PFKFB3: variants seen among roughly 807,000 people sequenced by gnomAD.
PFKFB3 encodes the protein 6-phosphofructo-2-kinase/fructose-2,6-bisphosphatase 3.
PFKFB3 carries 33 observed loss-of-function variants against 68.0 expected under a neutral mutation model. The ratio of observed to expected loss-of-function variants is 0.49; its 90% CI spans 0.37 to 0.65. The LOEUF (loss-of-function observed/expected upper bound fraction) is 0.65. Among genes scored for constraint, PFKFB3 ranks in the 30% least tolerant of loss-of-function variants. The pLI is 0.00. For synonymous variants in PFKFB3, 315 were observed against 288.2 expected, an observed-to-expected ratio of 1.09 and a Z score of -0.94; for missense variants, 586 against 712.2, an observed-to-expected ratio of 0.82 and a Z score of 2.02.
the PFKFB3 span, among the ~76,000 whole-genome samples, chr10:6,260,732 TC>T: frequency 9.8e-5 from 15 of 152,360 alleles, 2 homozygotes; most frequent in Admixed American, 6.5e-4. Flanking sequence ...TGATTGATTC[TC>T]ATTTCTGTAT....
In PFKFB3 at chr10:6,219,795, AT is replaced by A. The variant is rs1452746477; in HGVS notation, c.623+109del. On this transcript the variant is annotated intron_variant, in intron 7 of 14. Coordinates refer to ENST00000379775, the MANE Select transcript of PFKFB3 (RefSeq NM_004566.4). ...TTTGCTCCTGGATACCTTTAAAAAA[AT>A]TTTTTTAAGACAGTTTTTTTTGTAG... 1.1e-4 allele frequency: 139 copies of A among 1,218,428 alleles called. 1 individual carries two copies. Among genetic ancestry groups the A allele is most frequent in the Middle Eastern group, 2.9e-4 (1 of 3,476 alleles). The allele number at this position is 1,218,428 out of a possible 1,614,324, so 75.5% of individuals were successfully genotyped here. A position where few individuals can be genotyped will look rare whatever the true frequency, so the allele number is the denominator to read the frequency against.
chr10:6,232,772 GTTC>G (rs1226678864), intron 14 of PFKFB3, 120 bp from the exon 15 acceptor site: 2 of 794,628 alleles, frequency 2.5e-6, no homozygotes, highest in African/African-American at 1.7e-5. Flanking sequence ...CTTGGATCAT[GTTC>G]TTTGTCTGGG....
intron 1 of PFKFB3, among the ~76,000 whole-genome samples, chr10:6,177,044 C>T (rs752863080): frequency 3.9e-5 from 6 of 152,292 alleles, no homozygotes; most frequent in Admixed American, 2.0e-4. Context: ...TGCACTGGGG[C>T]CTGATTTCCC....
intron 1 of PFKFB3, among the ~76,000 whole-genome samples, chr10:6,182,622 C>T (rs945327664): frequency 3.3e-5 from 5 of 152,340 alleles, no homozygotes; most frequent in Non-Finnish European, 5.9e-5. Context: ...CGGGATGTGG[C>T]CTCGAGGCCC....
upstream of PFKFB3, among the ~76,000 whole-genome samples, chr10:6,198,486 A>G (rs1588457342): frequency 1.3e-5 from 2 of 152,142 alleles, no homozygotes; most frequent in African/African-American, 4.8e-5. Flanking sequence ...TTGTAGAAAA[A>G]TAATAATTTT....
rs969543510 is a variant in PFKFB3, at chr10:6,154,790, G to T, written c.16+9777G>T. On this transcript the variant is annotated intron_variant, in intron 1 of 14. Transcript: ENST00000379789. This position sits in a 1 kb window ranked among gnomAD's most constrained non-coding sequence, Gnocchi z 4.6. ...GAGTGAATCATGGGTAGCTCCCCCA[G>T]CTGCCTTCTGTCTGATCTGGGGAGA... Among the ~76,000 whole-genome samples the T allele has an allele frequency of 2.6e-5, 4 of 152,240 alleles. No homozygotes were observed. Among genetic ancestry groups the T allele is most frequent in the East Asian group, 3.8e-4 (2 of 5,196 alleles).
At chr10:6,214,482 A>G (rs2131941254) in intron 2 of PFKFB3, among the ~76,000 whole-genome samples, 1 of 151,226 alleles carries the variant, frequency 6.6e-6, no homozygotes, top group Admixed American at 6.6e-5. Flanking sequence ...CTTCCCAACT[A>G]GATGGGGAAC....
downstream of PFKFB3, among the ~76,000 whole-genome samples, chr10:6,254,998 G>A (rs1287397069): frequency 6.6e-6 from 1 of 151,280 alleles, no homozygotes; most frequent in African/African-American, 2.4e-5. Context: ...TGTATTTTTA[G>A]TAGAGACAGG....
chr10:6,169,755 G>A (rs1273624346), intron 1 of PFKFB3, among the ~76,000 whole-genome samples: 3 of 152,210 alleles, frequency 2.0e-5, no homozygotes, highest in African/African-American at 7.2e-5. Flanking sequence ...TGAAATCCCA[G>A]CCCTGAGCTC....
At chr10:6,166,129 C>T (rs1012022565) in intron 1 of PFKFB3, among the ~76,000 whole-genome samples, 5 of 152,056 alleles carry the variant, frequency 3.3e-5, no homozygotes, top group African/African-American at 4.8e-5. Context: ...ACAGGTGCCC[C>T]GCCACCACGC....
the PFKFB3 span, among the ~76,000 whole-genome samples, chr10:6,287,099 T>C: frequency 6.6e-6 from 1 of 152,166 alleles, no homozygotes; most frequent in Non-Finnish European, 1.5e-5. Context: ...TGTTTTGTTT[T>C]GTTTTGTTTT....
In PFKFB3 at chr10:6,146,199, C is replaced by G; in HGVS notation, c.16+1186C>G. ...CCTGTGCTGTGCCGTCTCTCCCTTC[C>G]CGCACCCACCCATCTGCCTCTCTTC... On this transcript the variant is annotated intron_variant, in intron 1 of 14. Coordinates refer to the PFKFB3 transcript ENST00000379789. 5 of 1,418,508 alleles carry G rather than the reference C, an allele frequency of 3.5e-6. No homozygotes were observed. In the South Asian group the frequency reaches 5.8e-5, roughly 16 times the overall value. The allele number at this position is 1,418,508 out of a possible 1,614,324, so 87.9% of individuals were successfully genotyped here.
intron 1 of PFKFB3, among the ~76,000 whole-genome samples, chr10:6,196,243 A>T (rs748069410): frequency 6.6e-6 from 1 of 150,504 alleles, no homozygotes. Context: ...CGATTCTTCC[A>T]CCTCAGCCTC....
downstream of PFKFB3, chr10:6,235,547 C>T (rs1845984971): frequency 6.6e-6 from 1 of 152,252 alleles, no homozygotes; most frequent in Non-Finnish European, 1.5e-5. Context: ...CGAAGTAAAC[C>T]TCTGGTCTTT....
At chr10:6,221,804 G>A (rs1844984653) in intron 10 of PFKFB3, 59 bp downstream of exon 10, 1 of 1,205,964 alleles carries the variant, frequency 8.3e-7, no homozygotes, top group South Asian at 1.3e-5. Flanking sequence ...TGCTGTGCAG[G>A]GCTGGGCCAC....
At chr10:6,314,323 A>G in the PFKFB3 span, among the ~76,000 whole-genome samples, 2 of 152,234 alleles carry the variant, frequency 1.3e-5, no homozygotes, top group East Asian at 3.8e-4. Flanking sequence ...GGAAATAGGC[A>G]GAAAGAAAGT....
chr10:6,265,019 T>C, the PFKFB3 span, among the ~76,000 whole-genome samples: 5 of 152,134 alleles, frequency 3.3e-5, no homozygotes, highest in Non-Finnish European at 5.9e-5. Context: ...CAGAGACACC[T>C]ACTGCATTTA....
At chr10:6,278,212 G>A in the PFKFB3 span, among the ~76,000 whole-genome samples, 11 of 152,056 alleles carry the variant, frequency 7.2e-5, no homozygotes, top group South Asian at 8.3e-4. Flanking sequence ...CGCAGTGCCC[G>A]GCTAGTTTGT....
downstream of PFKFB3, among the ~76,000 whole-genome samples, chr10:6,257,806 CA>C (rs1564239186): frequency 6.6e-6 from 1 of 152,080 alleles, no homozygotes; most frequent in Non-Finnish European, 1.5e-5. Context: ...AGGAACAAGT[CA>C]GGATGTAATT....
Sources: gnomAD v4.1 joint callset for allele counts (sites outside exome capture counted in the v4.1 genomes callset) on GRCh38, gnomAD v4.1.1 for gene constraint, Gnocchi (gnomAD v3.1) non-coding constraint, MANE v1.5 for transcripts, NCBI Gene and HGNC (gene_info 2026-07-23, HGNC 2026-07-21) for gene names.